The following FHOD3 variants were observed in gnomAD, a reference collection of about 807,000 sequenced individuals.
FHOD3 encodes the protein FH1/FH2 domain-containing protein 3.
In FHOD3, 90 loss-of-function variants were observed where a neutral mutation model predicts 173.0. The observed-to-expected ratio is 0.52, with a 90% CI of 0.44 to 0.62. The LOEUF is 0.62. FHOD3 is among the 20% of genes least tolerant of loss of function. The probability of loss-of-function intolerance (pLI) is 0.00; values close to 1 mark genes in which losing one functional copy is unlikely to be tolerated. For missense variants in FHOD3, 1,945 were observed against 2,034.7 expected, an observed-to-expected ratio of 0.96 and a Z score of 0.85; for synonymous variants, 828 against 823.0, an observed-to-expected ratio of 1.01 and a Z score of -0.10.
intron 21 of FHOD3, among the ~76,000 whole-genome samples, chr18:36,741,778 A>T (rs2041915230): frequency 6.6e-6 from 1 of 152,022 alleles, no homozygotes. Flanking sequence ...TCTCTAAAAA[A>T]AATAAAGCCA....
intron 3 of FHOD3, among the ~76,000 whole-genome samples, chr18:36,493,574 G>A (rs750581201): frequency 6.6e-6 from 1 of 152,150 alleles, no homozygotes; most frequent in Non-Finnish European, 1.5e-5. Context: ...TTTTGTAGAG[G>A]CTGTCTTGGG....
At chr18:36,387,581 A>G (rs987767325) in intron 3 of FHOD3, among the ~76,000 whole-genome samples, 4 of 152,258 alleles carry the variant, frequency 2.6e-5, no homozygotes, top group African/African-American at 9.6e-5. Flanking sequence ...AAATAGACAC[A>G]TAAGTGAATG....
chr18:36,597,663 T>C (rs2030683459), intron 7 of FHOD3, among the ~76,000 whole-genome samples: 1 of 152,226 alleles, frequency 6.6e-6, no homozygotes, highest in Non-Finnish European at 1.5e-5. Flanking sequence ...CCTGACCTCG[T>C]GATCCACCCG....
chr18:36,655,123 C>T (rs1457025752), intron 13 of FHOD3, among the ~76,000 whole-genome samples: 2 of 144,300 alleles, frequency 1.4e-5, no homozygotes, highest in African/African-American at 5.1e-5. Flanking sequence ...CTTGAAACTA[C>T]AAGTTCTCTG....
chr18:36,618,453 C>A (rs1204878253), intron 9 of FHOD3, among the ~76,000 whole-genome samples: 1 of 151,468 alleles, frequency 6.6e-6, no homozygotes, highest in Non-Finnish European at 1.5e-5. Flanking sequence ...GCTGGGATTA[C>A]AGGTGTGCGC....
intron 3 of FHOD3, among the ~76,000 whole-genome samples, chr18:36,441,505 A>G (rs78410486): frequency 0.089 from 13,515 of 152,250 alleles, 887 homozygotes; most frequent in Non-Finnish European, 0.13. Context: ...AGAAGGCTTC[A>G]GGAGGTTTTC....
chr18:36,656,313 A>C (rs1415164261), intron 13 of FHOD3, among the ~76,000 whole-genome samples: 1 of 152,190 alleles, frequency 6.6e-6, no homozygotes, highest in Non-Finnish European at 1.5e-5. Flanking sequence ...TTGGAGAAGC[A>C]ATTAACCTGT....
At chr18:36,599,315 A>G (rs1041686061) in intron 7 of FHOD3, among the ~76,000 whole-genome samples, 4 of 152,152 alleles carry the variant, frequency 2.6e-5, no homozygotes, top group African/African-American at 4.8e-5. Flanking sequence ...AAGTAGTTCA[A>G]TTTTTCATTT....
chr18:36,720,539 C>T (rs182830563), intron 19 of FHOD3, among the ~76,000 whole-genome samples: 3 of 152,032 alleles, frequency 2.0e-5, no homozygotes, highest in South Asian at 2.1e-4. Context: ...CGCCTGGCCT[C>T]CCCCTTCCAA....
chr18:36,325,774 T>G lies in FHOD3; in HGVS notation c.165+27774T>G, dbSNP rs547759960. 1.4e-3 allele frequency among the ~76,000 whole-genome samples: 209 copies of G among 152,292 alleles called. 1 individual carries two copies. Among genetic ancestry groups the G allele is most frequent in the African/African-American group, 4.6e-3 (191 of 41,566 alleles). Reference sequence around the variant, plus strand: ...TGCTAGGCAGCCTGCACCCACAGATTAAAAGACAAAAGAACATTTACTTAA... The same window carrying G: ...TGCTAGGCAGCCTGCACCCACAGATGAAAAGACAAAAGAACATTTACTTAA... On this transcript the variant is annotated intron_variant, in intron 1 of 28. Transcript: ENST00000590592.
chr18:36,577,930 A>G (rs1232086859), intron 6 of FHOD3, among the ~76,000 whole-genome samples: 1 of 152,162 alleles, frequency 6.6e-6, no homozygotes, highest in Non-Finnish European at 1.5e-5. Context: ...ATTTGGGAGA[A>G]GTAGTGAAAG....
At chr18:36,586,721 C>A (rs922607199) in intron 6 of FHOD3, among the ~76,000 whole-genome samples, 16 of 152,110 alleles carry the variant, frequency 1.1e-4, no homozygotes, top group African/African-American at 3.9e-4. Flanking sequence ...ACCTCGTGAT[C>A]CTCCCACCTC....
At chr18:36,644,455 C>T (rs994699906) in intron 10 of FHOD3, among the ~76,000 whole-genome samples, 9 of 152,196 alleles carry the variant, frequency 5.9e-5, no homozygotes, top group Non-Finnish European at 1.2e-4. Context: ...TCCTTCTCCA[C>T]CCCTTTGCAT....
chr18:36,513,778 AAATT>A (rs2055794705), intron 5 of FHOD3, among the ~76,000 whole-genome samples: 2 of 152,038 alleles, frequency 1.3e-5, no homozygotes, highest in Admixed American at 1.3e-4. Flanking sequence ...CATTAAAAAA[AAATT>A]AAGGTTGTCT....
At chr18:36,761,753 G>T (rs952168497) in intron 27 of FHOD3, among the ~76,000 whole-genome samples, 12 of 152,098 alleles carry the variant, frequency 7.9e-5, no homozygotes, top group African/African-American at 2.9e-4. Context: ...ACTTTAAGGA[G>T]AATCAACTGT....
At chr18:36,525,387 C>A (rs1020828263) in intron 5 of FHOD3, among the ~76,000 whole-genome samples, 1 of 152,030 alleles carries the variant, frequency 6.6e-6, no homozygotes, top group Admixed American at 6.6e-5. Flanking sequence ...GGAAGAGGAC[C>A]CCAAGCCTCA....
chr18:36,613,389 C>T (rs2032890797), intron 9 of FHOD3, among the ~76,000 whole-genome samples: 1 of 152,134 alleles, frequency 6.6e-6, no homozygotes, highest in South Asian at 2.1e-4. Context: ...GGTCAAATGC[C>T]CTCACGGTAT....
At position 36,760,747 on chromosome 18, in the gene FHOD3, C is replaced by T. The variant is rs1400335480; in HGVS notation, c.4589C>T (p.Ala1530Val). Residue 1530 changes from alanine (A) to valine (V), a missense_variant, in exon 27 of 29, where the codon GCG becomes GTG. Ala to Val is a moderately conservative substitution (Grantham distance 64, BLOSUM62 0). This residue lies in a region of FHOD3 where 354 missense variants were observed against 359.9 expected (regional missense o/e 0.98). Transcript: ENST00000590592. Reference sequence around the variant, plus strand: ...CCCTCCGTGGAGGACGCCACCCCCGCGCTGGGCGTCCGCACACGCAGCCGA... The same window carrying T: ...CCCTCCGTGGAGGACGCCACCCCCGTGCTGGGCGTCCGCACACGCAGCCGA... Reference protein sequence around the residue: ...SSPSVEDATPALGVRTRSRAS... With the variant: ...SSPSVEDATPVLGVRTRSRAS... 1.9e-6 allele frequency: 3 copies of T among 1,612,280 alleles called. No individual in the cohort carries two copies. Among genetic ancestry groups the T allele is most frequent in the South Asian group, 1.1e-5 (1 of 91,030 alleles).
chr18:36,761,129 C>T (rs577407705), intron 27 of FHOD3, among the ~76,000 whole-genome samples: 1 of 152,276 alleles, frequency 6.6e-6, no homozygotes, highest in African/African-American at 2.4e-5. Context: ...CATATTTACT[C>T]ATTTGTGTAG....
Sources: gnomAD v4.1 joint callset for allele counts (sites outside exome capture counted in the v4.1 genomes callset) on GRCh38, gnomAD v4.1.1 for gene constraint, gnomAD v4.1.1 regional missense constraint, MANE v1.5 for transcripts, NCBI Gene and HGNC (gene_info 2026-07-23, HGNC 2026-07-21) for gene names.